CLVS1: variants seen among roughly 807,000 people sequenced by gnomAD.
CLVS1 encodes clavesin-1.
In CLVS1, 10 loss-of-function variants were observed where a neutral mutation model predicts 33.1. The observed-to-expected ratio is 0.30, with a 90% confidence interval of 0.19 to 0.51. The LOEUF (loss-of-function observed/expected upper bound fraction) is 0.51, where lower values mean the gene tolerates loss of function less well. CLVS1 is among the 20% of genes least tolerant of loss of function. The pLI, the probability that CLVS1 is intolerant of heterozygous loss-of-function variation, is 0.97. For synonymous variants in CLVS1, 163 were observed against 166.1 expected, an observed-to-expected ratio of 0.98 and a Z score of 0.14; for missense variants, 343 against 433.4, an observed-to-expected ratio of 0.79 and a Z score of 1.85.
chr8:61,451,113 C>G (rs1195221510), intron 3 of CLVS1, among the ~76,000 whole-genome samples: 1 of 151,964 alleles, frequency 6.6e-6, no homozygotes, highest in Non-Finnish European at 1.5e-5. Flanking sequence ...AGACAAAAAT[C>G]AAGCAAGACA....
At chr8:61,263,472 G>T (rs1325977661) in intron 2 of CLVS1, among the ~76,000 whole-genome samples, 3 of 152,188 alleles carry the variant, frequency 2.0e-5, no homozygotes, top group Non-Finnish European at 4.4e-5. Context: ...GCAAGTGTTG[G>T]AAGGCTGCTC....
the CLVS1 span, among the ~76,000 whole-genome samples, chr8:61,013,866 A>G: frequency 1.4e-3 from 210 of 152,286 alleles, 1 homozygote; most frequent in African/African-American, 4.9e-3. Flanking sequence ...GGTTGGACGC[A>G]GCCTGTTGTG....
intron 2 of CLVS1, among the ~76,000 whole-genome samples, chr8:61,276,023 G>C (rs1380466811): frequency 6.6e-6 from 1 of 152,046 alleles, no homozygotes; most frequent in Non-Finnish European, 1.5e-5. Context: ...AAGCATTAAA[G>C]GGGAAAAAAA....
intron 2 of CLVS1, among the ~76,000 whole-genome samples, chr8:61,140,633 G>T (rs1459906468): frequency 6.6e-6 from 1 of 152,164 alleles, no homozygotes; most frequent in Admixed American, 6.5e-5. Flanking sequence ...CGCGATCTCG[G>T]CTCACTGGAA....
chr8:60,996,939 A>G, the CLVS1 span, among the ~76,000 whole-genome samples: 1 of 152,098 alleles, frequency 6.6e-6, no homozygotes, highest in Admixed American at 6.6e-5. Flanking sequence ...GGACTACATG[A>G]TTAAATGGAG....
chr8:61,191,924 T>A (rs181749276), intron 2 of CLVS1, among the ~76,000 whole-genome samples: 36 of 152,228 alleles, frequency 2.4e-4, no homozygotes, highest in African/African-American at 7.9e-4. Context: ...ATAGGAAGAA[T>A]CAATATTGTG....
intron 1 of CLVS1, among the ~76,000 whole-genome samples, chr8:61,121,094 C>G (rs958226336): frequency 3.3e-5 from 5 of 151,552 alleles, no homozygotes; most frequent in Non-Finnish European, 5.9e-5. Flanking sequence ...TTTTTAAGCC[C>G]GTGGGAAAAG....
chr8:61,442,743 G>A lies in CLVS1; in HGVS notation c.631-11398G>A, dbSNP rs1056853306. 3.3e-5 allele frequency among the ~76,000 whole-genome samples: 5 copies of A among 152,060 alleles called. 1 individual carries two copies. The South Asian group carries it at 1.0e-3, about 32-fold the overall frequency. ...GCCTCCTGAGTAGCTGGGATTACAGGCACACGCCACCACCCCTGACTAGTT... is the reference window on the plus strand; with the variant it reads ...GCCTCCTGAGTAGCTGGGATTACAGACACACGCCACCACCCCTGACTAGTT... On this transcript the variant is annotated intron_variant, in intron 3 of 5. Transcript: ENST00000325897.
At chr8:61,288,954 A>G (rs943804807) in intron 1 of CLVS1, among the ~76,000 whole-genome samples, 1 of 152,248 alleles carries the variant, frequency 6.6e-6, no homozygotes, top group South Asian at 2.1e-4. Flanking sequence ...AATGATTGTA[A>G]CTTAAGAAAG....
At chr8:61,262,150 A>G (rs1478178357) in intron 2 of CLVS1, among the ~76,000 whole-genome samples, 1 of 152,084 alleles carries the variant, frequency 6.6e-6, no homozygotes, top group African/African-American at 2.4e-5. Flanking sequence ...TGTAGTGGAC[A>G]GTACAGGCAC....
At chr8:61,151,520 C>G (rs1240362629) in intron 2 of CLVS1, among the ~76,000 whole-genome samples, 1 of 152,120 alleles carries the variant, frequency 6.6e-6, no homozygotes, top group Non-Finnish European at 1.5e-5. Context: ...TCTAGTACCC[C>G]CAAAGACTTC....
At chr8:61,208,015 C>T (rs1807892660) in intron 2 of CLVS1, among the ~76,000 whole-genome samples, 1 of 152,208 alleles carries the variant, frequency 6.6e-6, no homozygotes, top group South Asian at 2.1e-4. Flanking sequence ...AAATGGTGGG[C>T]TTAGCGGCCA....
intron 1 of CLVS1, among the ~76,000 whole-genome samples, chr8:61,099,476 A>G (rs905602154): frequency 4.6e-5 from 7 of 152,138 alleles, no homozygotes; most frequent in African/African-American, 1.4e-4. Context: ...AGTAATTGTA[A>G]GGTGAATAAG....
At chr8:61,319,540 C>T (rs1294026557) in intron 2 of CLVS1, among the ~76,000 whole-genome samples, 2 of 152,122 alleles carry the variant, frequency 1.3e-5, no homozygotes, top group Admixed American at 6.6e-5. Context: ...CCTTGACTTC[C>T]ATCTCATCAC....
intron 3 of CLVS1, among the ~76,000 whole-genome samples, chr8:61,437,722 T>A (rs1282268367): frequency 3.9e-5 from 6 of 152,248 alleles, no homozygotes; most frequent in Non-Finnish European, 7.3e-5. Context: ...GATTCTCTTG[T>A]CAAAGTCAAG....
chr8:61,491,938 T>A (rs1015537316), intron 5 of CLVS1, among the ~76,000 whole-genome samples: 1 of 152,166 alleles, frequency 6.6e-6, no homozygotes, highest in East Asian at 1.9e-4. Context: ...ACTAAGGACA[T>A]GGGTCTCCTA....
intron 2 of CLVS1, among the ~76,000 whole-genome samples, chr8:61,205,529 A>G (rs1419249755): frequency 6.6e-6 from 1 of 152,086 alleles, no homozygotes; most frequent in Non-Finnish European, 1.5e-5. Context: ...GGTTGCTTTT[A>G]TCTATTGTCT....
chr8:61,453,636 G>A (rs919974838), intron 3 of CLVS1, among the ~76,000 whole-genome samples: 1 of 152,222 alleles, frequency 6.6e-6, no homozygotes. Context: ...CATCTCCTAA[G>A]AGCCTTTGAA....
At chr8:61,194,663 A>C (rs1455708193) in intron 2 of CLVS1, among the ~76,000 whole-genome samples, 1 of 151,934 alleles carries the variant, frequency 6.6e-6, no homozygotes, top group South Asian at 2.1e-4. Context: ...AAAAATTAGT[A>C]AAGTTATTTA....
Sources: gnomAD v4.1 joint callset for allele counts (sites outside exome capture counted in the v4.1 genomes callset) on GRCh38, gnomAD v4.1.1 for gene constraint, MANE v1.5 for transcripts, NCBI Gene and HGNC (gene_info 2026-07-23, HGNC 2026-07-21) for gene names.